The following ATP9B variants were observed in gnomAD, a reference collection of about 807,000 sequenced individuals.
ATP9B encodes ATPase phospholipid transporting 9B, also known as probable phospholipid-transporting ATPase IIB.
A neutral mutation model predicts 146.1 loss-of-function variants in ATP9B; 110 were observed. That is an observed-to-expected ratio of 0.75 (90% CI 0.65 to 0.88). The LOEUF (loss-of-function observed/expected upper bound fraction) is 0.88, where lower values mean the gene tolerates loss of function less well. Ranked by LOEUF, ATP9B falls within the 40% of genes least tolerant of loss-of-function variation. The pLI is 0.00. For missense variants in ATP9B, 1,499 were observed against 1,496.4 expected, an observed-to-expected ratio of 1.00 and a Z score of -0.03; for synonymous variants, 604 against 569.7, an observed-to-expected ratio of 1.06 and a Z score of -0.86.
intron 4 of ATP9B, among the ~76,000 whole-genome samples, chr18:79,114,698 T>G (rs1044112196): frequency 6.6e-6 from 1 of 152,128 alleles, no homozygotes; most frequent in Non-Finnish European, 1.5e-5. Flanking sequence ...ACTTATTAAA[T>G]TAGTAAGATT....
intron 13 of ATP9B, among the ~76,000 whole-genome samples, chr18:79,287,296 G>T (rs906600389): frequency 1.1e-4 from 16 of 152,276 alleles, no homozygotes; most frequent in South Asian, 8.3e-4. Flanking sequence ...CAATTTCAGA[G>T]CCTGTTATTG....
chr18:79,261,467 C>T (rs923374187), intron 12 of ATP9B, among the ~76,000 whole-genome samples: 3 of 152,048 alleles, frequency 2.0e-5, no homozygotes, highest in Non-Finnish European at 4.4e-5. Flanking sequence ...TGGAATGATT[C>T]CTCTACGAGC....
chr18:79,377,345 A>G lies in ATP9B; in HGVS notation c.3406A>G (p.Lys1136Glu), dbSNP rs2097108388. The G allele has an allele frequency of 6.2e-7, 1 of 1,610,880 alleles. No individual in the cohort carries two copies. Among genetic ancestry groups the G allele is most frequent in the Non-Finnish European group, 8.5e-7 (1 of 1,180,014 alleles). ...GTATGTCCTCAAGTACCTGAGGCGCAAGCTCTCTCCTCCCAGCTACTGCAA... is the reference window on the plus strand; with the variant it reads ...GTATGTCCTCAAGTACCTGAGGCGCGAGCTCTCTCCTCCCAGCTACTGCAA... ...PLYVLKYLRRKLSPPSYCKLA... is the reference protein window; with the variant it reads ...PLYVLKYLRRELSPPSYCKLA... Residue 1136 changes from lysine to glutamate, a missense_variant, in exon 30 of 30, where the codon AAG (lysine) becomes GAG (glutamate). Lys to Glu is a moderately conservative substitution (Grantham distance 56, BLOSUM62 1). Transcript: ENST00000426216.
intron 6 of ATP9B, among the ~76,000 whole-genome samples, chr18:79,150,865 C>A (rs762125993): frequency 2.0e-5 from 3 of 152,142 alleles, no homozygotes; most frequent in Non-Finnish European, 4.4e-5. Flanking sequence ...GTCCTAGCTA[C>A]TTGGGAGGCT....
In ATP9B at chr18:79,096,456, T is replaced by A. The variant is rs1217452913; in HGVS notation, c.120-20T>A. Reference sequence around the variant, plus strand: ...AAGACTGCTTGGCCTATCTCAGCACTCCATTTTTACCCTAACTAGGTACCA... The same window carrying A: ...AAGACTGCTTGGCCTATCTCAGCACACCATTTTTACCCTAACTAGGTACCA... On this transcript the variant is annotated intron_variant, in intron 1 of 29. Coordinates refer to ENST00000426216, the MANE Select transcript of ATP9B (RefSeq NM_198531.5). 1.6e-5 allele frequency: 25 copies of A among 1,607,658 alleles called. No homozygotes were observed. Among genetic ancestry groups the A allele is most frequent in the Non-Finnish European group, 2.0e-5 (24 of 1,178,334 alleles).
intron 13 of ATP9B, among the ~76,000 whole-genome samples, chr18:79,296,426 T>C (rs1346751872): frequency 6.6e-6 from 1 of 152,246 alleles, no homozygotes; most frequent in East Asian, 1.9e-4. Context: ...GCTTTAAATT[T>C]ATCTGCATGT....
intron 11 of ATP9B, among the ~76,000 whole-genome samples, chr18:79,217,341 C>T (rs1316523991): frequency 6.6e-6 from 1 of 152,168 alleles, no homozygotes; most frequent in Non-Finnish European, 1.5e-5. Context: ...TCCACCGCCA[C>T]GCCTGGCTAA....
chr18:79,179,336 GT>G (rs1038195108), intron 8 of ATP9B, among the ~76,000 whole-genome samples: 8 of 150,616 alleles, frequency 5.3e-5, no homozygotes, highest in African/African-American at 1.2e-4. Context: ...AATTTTTTTT[GT>G]TTCTTCCTCC....
At chr18:79,265,108 G>C (rs951833618) in intron 12 of ATP9B, among the ~76,000 whole-genome samples, 2 of 152,068 alleles carry the variant, frequency 1.3e-5, no homozygotes, top group Non-Finnish European at 2.9e-5. Context: ...GTTCTCTTCT[G>C]TGTGTTCTCA....
chr18:79,092,709 G>A (rs1040454000), intron 1 of ATP9B, among the ~76,000 whole-genome samples: 4 of 147,876 alleles, frequency 2.7e-5, no homozygotes, highest in African/African-American at 1.0e-4. Context: ...CCTATACAGG[G>A]TCAGGATCAT....
At chr18:79,083,284 T>C (rs965928250) in intron 1 of ATP9B, among the ~76,000 whole-genome samples, 4 of 152,190 alleles carry the variant, frequency 2.6e-5, no homozygotes, top group Non-Finnish European at 5.9e-5. Flanking sequence ...CCAGGTTGAC[T>C]TCAGACTGCT....
chr18:79,374,222 A>C, intron 28 of ATP9B, 121 bp downstream of exon 28: 1 of 1,181,056 alleles, frequency 8.5e-7, no homozygotes. Context: ...CCATATCAGA[A>C]AGTGCCTGCT....
In ATP9B at chr18:79,337,516, C is replaced by T. The variant is rs531705832; in HGVS notation, c.2283+67C>T. 95 of 1,551,898 alleles carry T rather than the reference C, an allele frequency of 6.1e-5. 3 individuals carry two copies. The South Asian group carries it at 1.0e-3, about 17-fold the overall frequency. ...GAAGCAAACAGTGCTTTTCCTTGGG[C>T]ATGGTGATTTGTGAAACTCCTGTGG... On this transcript the variant is annotated intron_variant, in intron 19 of 29. Coordinates refer to ENST00000426216, the MANE Select transcript of ATP9B (RefSeq NM_198531.5).
At chr18:79,316,683 A>G (rs2096681870) in intron 15 of ATP9B, among the ~76,000 whole-genome samples, 1 of 152,124 alleles carries the variant, frequency 6.6e-6, no homozygotes, top group Admixed American at 6.6e-5. Flanking sequence ...ACCAGATGCC[A>G]TGTGCATCAA....
intron 7 of ATP9B, among the ~76,000 whole-genome samples, chr18:79,159,669 T>A (rs2094848738): frequency 6.6e-6 from 1 of 152,120 alleles, no homozygotes; most frequent in Admixed American, 6.5e-5. Flanking sequence ...CTCTACCCAG[T>A]CACCAAAGAC....
intron 11 of ATP9B, among the ~76,000 whole-genome samples, chr18:79,219,810 A>G (rs2095661069): frequency 6.6e-6 from 1 of 152,228 alleles, no homozygotes. Flanking sequence ...AAAATCTGAT[A>G]TAAGAAAGAA....
At position 79,224,691 on chromosome 18, in the gene ATP9B, T is replaced by C. The variant is rs370874031; in HGVS notation, c.1107+10653T>C. Among the ~76,000 whole-genome samples, 366 of 152,306 alleles carry C rather than the reference T, an allele frequency of 2.4e-3. 2 individuals carry two copies. Among genetic ancestry groups the C allele is most frequent in the South Asian group, 6.4e-3 (31 of 4,820 alleles). On this transcript the variant is annotated intron_variant, in intron 11 of 29. Transcript: ENST00000426216. ...TTGGTTTTCTAATTGTCGCTGCCAA[T>C]GTCTGTTGGAACAAGGCTCTCTGCT...
intron 15 of ATP9B, among the ~76,000 whole-genome samples, chr18:79,311,841 C>T (rs2096654133): frequency 6.6e-6 from 1 of 152,192 alleles, no homozygotes; most frequent in Non-Finnish European, 1.5e-5. Context: ...TGGGACAGCC[C>T]TGCATCGCAG....
At chr18:79,073,142 A>T (rs1358793539) in intron 1 of ATP9B, among the ~76,000 whole-genome samples, 1 of 151,048 alleles carries the variant, frequency 6.6e-6, no homozygotes, top group Non-Finnish European at 1.5e-5. Context: ...CTCACTTCCC[A>T]GACTGGGAGG....
Sources: allele counts gnomAD v4.1 joint callset (sites outside exome capture counted in the v4.1 genomes callset), GRCh38; gene constraint gnomAD v4.1.1; transcripts MANE v1.5; gene names NCBI Gene and HGNC (gene_info 2026-07-23, HGNC 2026-07-21).